The following PKD1L1 variants were observed in gnomAD, a reference collection of about 807,000 sequenced individuals.
The protein encoded by PKD1L1 is polycystin 1 like 1, transient receptor potential channel interacting.
A neutral mutation model predicts 323.4 loss-of-function variants in PKD1L1; 236 were observed. The observed-to-expected ratio is 0.73, with a 90% confidence interval of 0.66 to 0.81. PKD1L1 has a LOEUF of 0.81. Ranked by LOEUF, PKD1L1 falls within the 40% of genes least tolerant of loss-of-function variation. The pLI, the probability that PKD1L1 is intolerant of heterozygous loss-of-function variation, is 0.00. For missense variants in PKD1L1, 3,320 were observed against 3,508.0 expected, an observed-to-expected ratio of 0.95 and a Z score of 1.35; for synonymous variants, 1,344 against 1,335.0, an observed-to-expected ratio of 1.01 and a Z score of -0.15.
At chr7:47,932,277 A>T (rs1356554515) in intron 4 of PKD1L1, among the ~76,000 whole-genome samples, 1 of 152,062 alleles carries the variant, frequency 6.6e-6, no homozygotes, top group Non-Finnish European at 1.5e-5. Flanking sequence ...CTCGAGGGAG[A>T]AGTCTTAGGT....
chr7:47,912,706 C>T (rs532709393), intron 8 of PKD1L1, among the ~76,000 whole-genome samples: 69 of 150,010 alleles, frequency 4.6e-4, no homozygotes, highest in African/African-American at 1.6e-3. Flanking sequence ...ATCCTAGCTA[C>T]CTGGGAGGCT....
rs529026605 is a variant in PKD1L1 at position 47,869,064 on chromosome 7, A to C, written c.3897-2450T>G. Among the ~76,000 whole-genome samples the C allele has an allele frequency of 1.6e-4, 25 of 152,346 alleles. No homozygotes were observed. The South Asian group carries it at 4.8e-3, about 29-fold the overall frequency. ...ATATAAATTTGAAGTAGTTTCTAGTAAGTTAAGGTGTATATTGTAAGCCTT... is the reference window on the plus strand; with the variant it reads ...ATATAAATTTGAAGTAGTTTCTAGTCAGTTAAGGTGTATATTGTAAGCCTT... On this transcript the variant is annotated intron_variant, in intron 24 of 56. Transcript: ENST00000289672.
At chr7:47,780,524 T>C (rs920264139) in intron 56 of PKD1L1, among the ~76,000 whole-genome samples, 4 of 151,904 alleles carry the variant, frequency 2.6e-5, no homozygotes, top group Middle Eastern at 6.8e-3. Context: ...CCCAGCTACT[T>C]GGGAGGCTGA....
intron 13 of PKD1L1, among the ~76,000 whole-genome samples, chr7:47,898,415 A>G (rs1275729212): frequency 1.3e-5 from 2 of 152,176 alleles, no homozygotes; most frequent in African/African-American, 4.8e-5. Flanking sequence ...CTAAAATAAT[A>G]AGTAAATATT....
intron 47 of PKD1L1, 104 bp downstream of exon 47, chr7:47,815,230 C>A: frequency 6.9e-7 from 1 of 1,440,830 alleles, no homozygotes; most frequent in Non-Finnish European, 9.3e-7. Context: ...CATGGTCATT[C>A]AAGAACCTAT....
At chr7:47,911,356 C>T (rs1212514008) in intron 8 of PKD1L1, among the ~76,000 whole-genome samples, 12 of 152,210 alleles carry the variant, frequency 7.9e-5, no homozygotes, top group African/African-American at 2.9e-4. Context: ...TACTGTAAAA[C>T]CTGCAGAACC....
At chr7:47,879,564 T>C (rs62447075) in intron 21 of PKD1L1, among the ~76,000 whole-genome samples, 49,571 of 117,158 alleles carry the variant, frequency 0.42, 9,881 homozygotes, top group African/African-American at 0.6. Context: ...ACCTGGGAGG[T>C]GGAGGTTGCA....
At position 47,888,017 on chromosome 7, in the gene PKD1L1, T is replaced by C. The variant is rs1786721012; in HGVS notation, c.2809A>G (p.Asn937Asp). Reference protein sequence around the residue: ...LSYSWDLFLVNATEKNRIEVP... With the variant: ...LSYSWDLFLVDATEKNRIEVP... ...TCTATCCTATTCTTTTCTGTTGCATTGACTAAAAAGAGATCCCAGGAATAA... is the reference window on the plus strand; with the variant it reads ...TCTATCCTATTCTTTTCTGTTGCATCGACTAAAAAGAGATCCCAGGAATAA... Residue 937 changes from asparagine (N) to aspartate (D), a missense_variant, in exon 17 of 57, where the codon AAT becomes GAT. By Grantham distance (23) the Asn-to-Asp change is conservative. Coordinates refer to ENST00000289672, the MANE Select transcript of PKD1L1 (RefSeq NM_138295.5). The C allele has an allele frequency of 6.2e-7, 1 of 1,613,676 alleles. No individual in the cohort carries two copies. Among genetic ancestry groups the C allele is most frequent in the East Asian group, 2.2e-5 (1 of 44,872 alleles).
rs569560353 is a variant in PKD1L1, at chr7:47,908,101, C to T, written c.1378G>A (p.Ala460Thr). Residue 460 changes from alanine to threonine, a missense_variant, in exon 9 of 57, where the codon GCT becomes ACT. By Grantham distance (58) the Ala-to-Thr change is moderately conservative. Transcript: ENST00000289672. ...SVHEDEVLVF[A>T]DSQVNQKSTV... ...CTTTTCTGATTCACTTGGGAGTCAG[C>T]AAAGACAAGCACTTCATCTTCATGG... 3 of 1,613,882 alleles carry T rather than the reference C, an allele frequency of 1.9e-6. No homozygotes were observed. The highest frequency in any genetic ancestry group is 2.5e-6 in the Non-Finnish European group (3 of 1,179,986).
At chr7:47,865,564 A>AT (rs1562964528) in intron 25 of PKD1L1, among the ~76,000 whole-genome samples, 2 of 78,710 alleles carry the variant, frequency 2.5e-5, no homozygotes, top group South Asian at 7.4e-4. Flanking sequence ...GCAACAATTT[A>AT]TTTATTATTT....
In PKD1L1 at chr7:47,853,355, G is replaced by A. The variant is rs192394344; in HGVS notation, c.4860-128C>T. 146 of 666,412 alleles carry A rather than the reference G, an allele frequency of 2.2e-4. No homozygotes were observed. The African/African-American group carries it at 2.3e-3, about 11-fold the overall frequency. 41.3% of individuals were successfully genotyped at this position (666,412 alleles called of 1,614,324 possible). ...CTTGTCACTGCAAGGAGGTAGCCTG[G>A]GACTAAAAAGGGTCAATGTGCTTAA... On this transcript the variant is annotated intron_variant, in intron 30 of 56. Coordinates refer to ENST00000289672, the MANE Select transcript of PKD1L1 (RefSeq NM_138295.5).
At chr7:47,842,093 G>A (rs1484583519) in intron 34 of PKD1L1, among the ~76,000 whole-genome samples, 1 of 152,164 alleles carries the variant, frequency 6.6e-6, no homozygotes, top group Non-Finnish European at 1.5e-5. Flanking sequence ...ACATCCCTTA[G>A]AAATCATCTA....
At chr7:47,804,718 C>T (rs1218144008) in intron 52 of PKD1L1, among the ~76,000 whole-genome samples, 3 of 152,146 alleles carry the variant, frequency 2.0e-5, no homozygotes, top group Admixed American at 1.3e-4. Context: ...CTTCTGAACT[C>T]AGGCAATCTG....
Position 47,905,856 on chromosome 7 carries a change from C to T in PKD1L1, c.1509G>A (p.Trp503Ter). 6.2e-7 allele frequency: 1 copy of T among 1,612,962 alleles called. No individual in the cohort carries two copies. Among genetic ancestry groups the T allele is most frequent in the Non-Finnish European group, 8.5e-7 (1 of 1,179,844 alleles). The change falls in exon 10 of 57, where the codon TGG (tryptophan) becomes TGA (stop). Residue 503 changes from tryptophan (W) to a stop codon, truncating the protein, a stop_gained. Transcript: ENST00000289672. LOFTEE classifies it high-confidence loss of function. Reference protein sequence around the residue: ...DSQAWHSMTVWYKMQSVSVYT... With the variant: ...DSQAWHSMTV ...ACAAAGACATACATTGCATCTTATA[C>T]CAGACAGTCATGCTGTGCCAAGCCT...
chr7:47,950,702 C>G (rs1399854269), upstream of PKD1L1, among the ~76,000 whole-genome samples: 2 of 146,478 alleles, frequency 1.4e-5, no homozygotes, highest in Non-Finnish European at 3.0e-5. Context: ...GAGCGAAACT[C>G]TTGTCTCAAA....
At chr7:47,931,347 G>A (rs1313767849) in intron 5 of PKD1L1, 26 bp from the exon 6 acceptor site, 6 of 1,611,488 alleles carry the variant, frequency 3.7e-6, no homozygotes, top group Non-Finnish European at 5.1e-6. Flanking sequence ...ACAGTTCAGG[G>A]TTTATTGAAT....
At chr7:47,912,892 A>AAAAAAG (rs1787353337) in intron 8 of PKD1L1, among the ~76,000 whole-genome samples, 1 of 151,916 alleles carries the variant, frequency 6.6e-6, no homozygotes. Context: ...AATGACGGGG[A>AAAAAAG]AAAAAGAAGG....
At chr7:47,838,439 TG>T (rs1322745603) in intron 36 of PKD1L1, among the ~76,000 whole-genome samples, 44 of 152,340 alleles carry the variant, frequency 2.9e-4, no homozygotes, top group Non-Finnish European at 1.5e-4. Context: ...GTTCCCACAA[TG>T]TTGTCATTAC....
chr7:47,782,217 A>G (rs1158497485), intron 56 of PKD1L1, among the ~76,000 whole-genome samples: 2 of 152,202 alleles, frequency 1.3e-5, no homozygotes, highest in Admixed American at 6.5e-5. Flanking sequence ...AAGATGCTCA[A>G]CTTCTGCAGG....
Sources: allele counts gnomAD v4.1 joint callset (sites outside exome capture counted in the v4.1 genomes callset), GRCh38; gene constraint gnomAD v4.1.1; transcripts MANE v1.5; gene names NCBI Gene and HGNC (gene_info 2026-07-23, HGNC 2026-07-21).